The following KDM4C variants were observed in gnomAD, a reference collection of about 807,000 sequenced individuals.
KDM4C encodes the protein lysine-specific demethylase 4C.
A neutral mutation model predicts 129.3 loss-of-function variants in KDM4C; 81 were observed. The ratio of observed to expected loss-of-function variants is 0.63; its 90% CI spans 0.52 to 0.75. The LOEUF (loss-of-function observed/expected upper bound fraction) is 0.75. KDM4C is among the 30% of genes least tolerant of loss of function. The probability of loss-of-function intolerance (pLI) is 0.00; values close to 1 mark genes in which losing one functional copy is unlikely to be tolerated. For missense variants in KDM4C, 1,457 were observed against 1,304.0 expected (o/e 1.12, Z -1.81); for synonymous variants, 573 against 456.1 (o/e 1.26, Z -3.26).
chr9:7,014,184 C>T lies in KDM4C; in HGVS notation c.2182+183C>T, dbSNP rs985874652. 6 of 564,784 alleles carry T rather than the reference C, an allele frequency of 1.1e-5. No homozygotes were observed. In the East Asian group the frequency reaches 1.7e-4, roughly 16 times the overall value. The allele number at this position is 564,784 out of a possible 1,614,324, so 35.0% of individuals were successfully genotyped here. A position where few individuals can be genotyped will look rare whatever the true frequency, so the allele number is the denominator to read the frequency against. On this transcript the variant is annotated intron_variant, in intron 14 of 21. Transcript: ENST00000381309. ...GTTGGTATATTCATCCTTTTTTCAC[C>T]ACTTTCATGTAGTATCCGTGGAGAG...
intron 19 of KDM4C, among the ~76,000 whole-genome samples, chr9:7,140,036 G>A (rs1196895912): frequency 2.6e-5 from 4 of 152,202 alleles, no homozygotes; most frequent in Non-Finnish European, 5.9e-5. Context: ...CTTATACACT[G>A]ACATACTTCT....
At position 6,760,781 on chromosome 9, in the gene KDM4C, C is replaced by G. The variant is rs567779690; in HGVS notation, c.-18+2578C>G. Among the ~76,000 whole-genome samples the G allele has an allele frequency of 1.8e-3, 275 of 151,312 alleles. 1 individual carries two copies. Among genetic ancestry groups the G allele is most frequent in the Non-Finnish European group, 3.3e-3 (222 of 67,858 alleles). The stretch of plus-strand genomic sequence containing the variant: ...TAGAGATGGGGTTTCACTGTGTTAG[C>G]CAGGATGGTCTCGATCTCCTGACCT... On this transcript the variant is annotated intron_variant, in intron 1 of 21. Transcript: ENST00000381309.
chr9:7,000,374 C>G (rs549295422), intron 12 of KDM4C, among the ~76,000 whole-genome samples: 1 of 152,232 alleles, frequency 6.6e-6, no homozygotes, highest in South Asian at 2.1e-4. Context: ...TGAAACTTTT[C>G]TAAACAATGA....
chr9:7,018,053 G>A (rs1823999362), intron 15 of KDM4C, among the ~76,000 whole-genome samples: 1 of 152,148 alleles, frequency 6.6e-6, no homozygotes, highest in African/African-American at 2.4e-5. Context: ...TTTGGTACAG[G>A]TATGCATTAC....
intron 5 of KDM4C, among the ~76,000 whole-genome samples, chr9:6,852,384 G>C (rs141978276): frequency 1.8e-4 from 28 of 152,250 alleles, no homozygotes; most frequent in African/African-American, 4.8e-5. Flanking sequence ...AACTCTGCTT[G>C]TCTGGACTCC....
intron 18 of KDM4C, chr9:7,105,334 T>A: frequency 2.3e-6 from 1 of 428,308 alleles, no homozygotes. Context: ...CTGTGCAAGT[T>A]CTTATTTCTG....
chr9:7,039,538 C>T (rs2132453722), intron 15 of KDM4C, among the ~76,000 whole-genome samples: 1 of 152,092 alleles, frequency 6.6e-6, no homozygotes, highest in South Asian at 2.1e-4. Context: ...CCCAGTTCAG[C>T]TAAAAATCTG....
At chr9:7,120,829 C>T (rs1029542189) in intron 18 of KDM4C, among the ~76,000 whole-genome samples, 1 of 152,144 alleles carries the variant, frequency 6.6e-6, no homozygotes, top group African/African-American at 2.4e-5. Context: ...TTCTTCCTAA[C>T]TCACTTGGTC....
At chr9:7,122,473 G>A (rs796368857) in intron 18 of KDM4C, among the ~76,000 whole-genome samples, 51 of 152,262 alleles carry the variant, frequency 3.3e-4, no homozygotes, top group African/African-American at 1.1e-3. Context: ...TCATGGGAGA[G>A]CACTGCTCTA....
chr9:7,155,791 C>G (rs1843106439), intron 19 of KDM4C, among the ~76,000 whole-genome samples: 1 of 152,212 alleles, frequency 6.6e-6, no homozygotes, highest in South Asian at 2.1e-4. Context: ...CAAGTCTTTG[C>G]TATTGTGAAT....
intron 21 of KDM4C, 120 bp downstream of exon 21, chr9:7,170,010 A>G (rs561047864): frequency 3.9e-6 from 6 of 1,554,996 alleles, no homozygotes; most frequent in African/African-American, 1.4e-5. Flanking sequence ...AAAAAAGCCA[A>G]TGCAACATTT....
At chr9:6,777,104 TTACTCTG>T (rs941202944) in intron 1 of KDM4C, among the ~76,000 whole-genome samples, 36 of 152,240 alleles carry the variant, frequency 2.4e-4, no homozygotes, top group African/African-American at 8.7e-4. Context: ...AGATTTTCAC[TTACTCTG>T]TAGTCAGTTG....
rs917472303 is a variant in KDM4C, at chr9:7,174,931, T to C, written c.*202T>C. 5 of 484,448 alleles carry C rather than the reference T, an allele frequency of 1.0e-5. No homozygotes were observed. The Admixed American group carries it at 1.3e-4, about 12-fold the overall frequency. 30.0% of individuals were successfully genotyped at this position (484,448 alleles called of 1,614,324 possible). A position where few individuals can be genotyped will look rare whatever the true frequency, so the allele number is the denominator to read the frequency against. ...TTGGACGCAGCAATCTGAAATCATCTCTAGTCTTGCTTTCACTTGTGAGCA... is the reference window on the plus strand; with the variant it reads ...TTGGACGCAGCAATCTGAAATCATCCCTAGTCTTGCTTTCACTTGTGAGCA... On this transcript the variant is annotated 3_prime_UTR_variant, in exon 22 of 22. Transcript: ENST00000381309.
chr9:7,030,083 A>G (rs1473572746), intron 15 of KDM4C, among the ~76,000 whole-genome samples: 1 of 152,158 alleles, frequency 6.6e-6, no homozygotes, highest in African/African-American at 2.4e-5. Flanking sequence ...TAATGAGAAG[A>G]TTTGGCTTTA....
intron 15 of KDM4C, among the ~76,000 whole-genome samples, chr9:7,019,661 A>C (rs1232959986): frequency 7.1e-6 from 1 of 140,136 alleles, no homozygotes; most frequent in Non-Finnish European, 1.5e-5. Context: ...TTTTTTAAAG[A>C]TTCTCTTTAA....
At chr9:6,821,438 T>C (rs112433830) in intron 4 of KDM4C, among the ~76,000 whole-genome samples, 1 of 152,200 alleles carries the variant, frequency 6.6e-6, no homozygotes, top group African/African-American at 2.4e-5. Flanking sequence ...TGGTATCTCA[T>C]TGTGGTTTTG....
chr9:6,796,340 G>T (rs765692623), intron 2 of KDM4C, among the ~76,000 whole-genome samples: 1 of 152,190 alleles, frequency 6.6e-6, no homozygotes, highest in Non-Finnish European at 1.5e-5. Context: ...AGCTAATCGG[G>T]AGGCTGAGCC....
chr9:6,994,769 A>T (rs1242990556), intron 12 of KDM4C, among the ~76,000 whole-genome samples: 2 of 152,210 alleles, frequency 1.3e-5, no homozygotes, highest in Non-Finnish European at 1.5e-5. Flanking sequence ...GTATAGAAAA[A>T]CATGTTGTTT....
chr9:6,804,523 G>T (rs973935693), intron 2 of KDM4C, among the ~76,000 whole-genome samples: 1 of 152,004 alleles, frequency 6.6e-6, no homozygotes, highest in Admixed American at 6.6e-5. Context: ...AATTTGGGAG[G>T]CCGAGACGGG....
Sources: gnomAD v4.1 joint callset for allele counts (sites outside exome capture counted in the v4.1 genomes callset) on GRCh38, gnomAD v4.1.1 for gene constraint, MANE v1.5 for transcripts, NCBI Gene and HGNC (gene_info 2026-07-23, HGNC 2026-07-21) for gene names.